The following CWF19L1 variants were observed in gnomAD, a reference collection of about 807,000 sequenced individuals.
CWF19L1 encodes the protein CWF19 like cell cycle control factor 1.
CWF19L1 carries 60 observed loss-of-function variants against 69.7 expected under a neutral mutation model. That is an observed-to-expected ratio of 0.86 (90% CI 0.70 to 1.07). The LOEUF (loss-of-function observed/expected upper bound fraction) is 1.07, where lower values mean the gene tolerates loss of function less well. CWF19L1 is among the 50% of genes least tolerant of loss of function. The pLI is 0.00. For synonymous variants in CWF19L1, 209 were observed against 222.2 expected (o/e 0.94, Z 0.53); for missense variants, 591 against 638.9 (o/e 0.92, Z 0.81).
At chr10:100,250,884 G>A (rs889130407) in intron 6 of CWF19L1, among the ~76,000 whole-genome samples, 1 of 151,288 alleles carries the variant, frequency 6.6e-6, no homozygotes, top group Non-Finnish European at 1.5e-5. Flanking sequence ...CGAGGTTGAG[G>A]CTGCAGTGAG....
intron 9 of CWF19L1, 87 bp from the exon 10 acceptor site, chr10:100,243,864 T>C (rs1430762211): frequency 9.0e-7 from 1 of 1,111,212 alleles, no homozygotes; most frequent in African/African-American, 1.5e-5. Context: ...GTCTGATTTT[T>C]ATATCCTGAA....
chr10:100,233,041 A>G lies in CWF19L1; in HGVS notation c.*186T>C. 1 of 469,910 alleles carries G rather than the reference A, an allele frequency of 2.1e-6. No individual in the cohort carries two copies. Among genetic ancestry groups the G allele is most frequent in the Non-Finnish European group, 3.6e-6 (1 of 280,652 alleles). The allele number at this position is 469,910 out of a possible 1,614,324, so 29.1% of individuals were successfully genotyped here. On this transcript the variant is annotated 3_prime_UTR_variant, in exon 14 of 14. Transcript: ENST00000354105. ...CATGCGCCTGTGGTCCCAGCTACTCATGAGGCTGAGGTGGGAGGAACTCTA... is the reference window on the plus strand; with the variant it reads ...CATGCGCCTGTGGTCCCAGCTACTCGTGAGGCTGAGGTGGGAGGAACTCTA...
chr10:100,267,462 T>C, intron 1 of CWF19L1, 109 bp downstream of exon 1: 6 of 1,604,138 alleles, frequency 3.7e-6, no homozygotes, highest in Non-Finnish European at 5.1e-6. Context: ...CCCGTGTCTC[T>C]CCGCCTTTTC....
chr10:100,256,789 G>A (rs749148856), intron 4 of CWF19L1, among the ~76,000 whole-genome samples: 9 of 152,180 alleles, frequency 5.9e-5, no homozygotes, highest in East Asian at 3.8e-4. Flanking sequence ...GGCTTTCTGC[G>A]TTCTAGAGAA....
intron 10 of CWF19L1, among the ~76,000 whole-genome samples, chr10:100,239,637 A>G (rs4917889): frequency 0.55 from 83,642 of 152,034 alleles, 23,825 homozygotes; most frequent in African/African-American, 0.71. Context: ...AGACTGTCTC[A>G]GGAAAAAAAA....
rs762678900 is a variant in CWF19L1, at chr10:100,238,140, G to C, written c.1136C>G (p.Ala379Gly). The change falls in exon 11 of 14, where the codon GCA becomes GGA. Residue 379 changes from alanine (A) to glycine (G), a missense_variant. By Grantham distance (60) the Ala-to-Gly change is moderately conservative (BLOSUM62 0). Around this residue, in one of 3 missense-constraint regions of CWF19L1, gnomAD observed 458 missense variants for 489.3 expected, o/e 0.94. Transcript: ENST00000354105. ...CTTCTCCACCTCTTCTACCACCTCT[G>C]CTGAAAGCTCCACCACTGACTGGTA... Reference protein sequence around the residue: ...GHYQSVVELSAEVVEEVEKYK... With the variant: ...GHYQSVVELSGEVVEEVEKYK... 25 of 1,613,976 alleles carry C rather than the reference G, an allele frequency of 1.5e-5. No homozygotes were observed. Among genetic ancestry groups the C allele is most frequent in the Non-Finnish European group, 1.6e-5 (19 of 1,180,022 alleles).
At chr10:100,249,214 T>C (rs1425803422) in intron 7 of CWF19L1, 5 of 267,354 alleles carry the variant, frequency 1.9e-5, no homozygotes, top group East Asian at 1.7e-4. Context: ...AAAGGCAAAA[T>C]CACTTCAGAT....
intron 10 of CWF19L1, 85 bp from the exon 11 acceptor site, chr10:100,238,316 G>A (rs1846520130): frequency 4.0e-6 from 5 of 1,239,878 alleles, no homozygotes; most frequent in Admixed American, 2.0e-5. Flanking sequence ...AAGTGAGCCT[G>A]AGGGTGTAGG....
At chr10:100,264,181 TAC>T (rs1433424874) in intron 1 of CWF19L1, among the ~76,000 whole-genome samples, 1 of 152,236 alleles carries the variant, frequency 6.6e-6, no homozygotes, top group African/African-American at 2.4e-5. Flanking sequence ...GTGTAGCACA[TAC>T]AGTTATGTAC....
At chr10:100,267,477 T>A in intron 1 of CWF19L1, 94 bp downstream of exon 1, 3 of 1,610,272 alleles carry the variant, frequency 1.9e-6, no homozygotes, top group Non-Finnish European at 2.5e-6. Context: ...CTTTTCCTTC[T>A]CCCTTCCCGT....
chr10:100,250,370 TTTAC>T, intron 6 of CWF19L1, 38 bp from the exon 7 acceptor site: 1 of 1,372,994 alleles, frequency 7.3e-7, no homozygotes, highest in Non-Finnish European at 1.0e-6. Context: ...TGCAAACAAT[TTTAC>T]TTTTGATTTG....
intron 12 of CWF19L1, 104 bp from the exon 13 acceptor site, chr10:100,235,868 A>C: frequency 1.2e-6 from 1 of 812,296 alleles, no homozygotes; most frequent in Non-Finnish European, 2.0e-6. Flanking sequence ...ACAAGAAAAA[A>C]AGATATGTAT....
intron 2 of CWF19L1, among the ~76,000 whole-genome samples, chr10:100,261,595 A>C (rs1589634009): frequency 6.6e-6 from 1 of 152,222 alleles, no homozygotes; most frequent in East Asian, 1.9e-4. Context: ...AACCATACAC[A>C]ACATTCATAT....
intron 9 of CWF19L1, among the ~76,000 whole-genome samples, chr10:100,244,686 CT>C (rs1846753748): frequency 6.6e-6 from 1 of 152,078 alleles, no homozygotes. Flanking sequence ...CAGGGCCTTG[CT>C]CTGTCACCCA....
At chr10:100,264,609 CAAAAAA>C (rs34568805) in intron 1 of CWF19L1, among the ~76,000 whole-genome samples, 3 of 100,576 alleles carry the variant, frequency 3.0e-5, no homozygotes, top group Non-Finnish European at 6.7e-5. Flanking sequence ...CCTACGTATT[CAAAAAA>C]AAAAAAAAAA....
chr10:100,249,129 T>C, intron 7 of CWF19L1: 1 of 440,430 alleles, frequency 2.3e-6, no homozygotes, highest in Non-Finnish European at 4.2e-6. Context: ...CTGATGATTC[T>C]TAACACTGTC....
At chr10:100,250,499 C>T (rs1846990118) in intron 6 of CWF19L1, among the ~76,000 whole-genome samples, 167 bp from the exon 7 acceptor site, 1 of 152,170 alleles carries the variant, frequency 6.6e-6, no homozygotes, top group Non-Finnish European at 1.5e-5. Context: ...AATAGGGCAA[C>T]AATCCCTACC....
intron 7 of CWF19L1, 150 bp from the exon 8 acceptor site, chr10:100,247,085 A>G (rs1351262605): frequency 2.9e-6 from 2 of 678,174 alleles, no homozygotes; most frequent in Non-Finnish European, 4.6e-6. Flanking sequence ...CTCAGAGAGT[A>G]AACAGTAAAT....
intron 4 of CWF19L1, among the ~76,000 whole-genome samples, chr10:100,256,804 C>T (rs1847227794): frequency 6.6e-6 from 1 of 152,154 alleles, no homozygotes; most frequent in African/African-American, 2.4e-5. Context: ...AGAGAAGATT[C>T]TACATGGACT....
Sources: allele counts gnomAD v4.1 joint callset (sites outside exome capture counted in the v4.1 genomes callset), GRCh38; gene constraint gnomAD v4.1.1; regional missense constraint gnomAD v4.1.1; transcripts MANE v1.5; gene names NCBI Gene and HGNC (gene_info 2026-07-23, HGNC 2026-07-21).